The following ZFYVE28 variants were observed in gnomAD, a reference collection of about 807,000 sequenced individuals.
ZFYVE28 encodes the protein zinc finger FYVE-type containing 28, also known as lateral signaling target protein 2 homolog.
In ZFYVE28, 40 loss-of-function variants were observed where a neutral mutation model predicts 82.1. The ratio of observed to expected loss-of-function variants is 0.49; its 90% CI spans 0.38 to 0.63. ZFYVE28 has a LOEUF of 0.63. Among genes scored for constraint, ZFYVE28 ranks in the 30% least tolerant of loss-of-function variants. The pLI, the probability that ZFYVE28 is intolerant of heterozygous loss-of-function variation, is 0.00. For missense variants in ZFYVE28, 1,321 were observed against 1,242.1 expected (o/e 1.06, Z -0.96); for synonymous variants, 612 against 546.1 (o/e 1.12, Z -1.68).
At chr4:2,301,930 G>GCACGT (rs1715605213) in intron 8 of ZFYVE28, among the ~76,000 whole-genome samples, 1 of 152,210 alleles carries the variant, frequency 6.6e-6, no homozygotes, top group East Asian at 1.9e-4. Context: ...GTTCATCGTG[G>GCACGT]CACGTCTGTG....
chr4:2,294,002 TATTATTAAG>T (rs1714159046), intron 8 of ZFYVE28, among the ~76,000 whole-genome samples: 1 of 151,764 alleles, frequency 6.6e-6, no homozygotes, highest in South Asian at 2.1e-4. Flanking sequence ...GAACCAGAAC[TATTATTAAG>T]ATGCTAATTC....
intron 1 of ZFYVE28, among the ~76,000 whole-genome samples, chr4:2,360,389 T>A (rs865806013): frequency 7.0e-6 from 1 of 143,290 alleles, no homozygotes; most frequent in Non-Finnish European, 1.5e-5. Context: ...AGAGCTGTAA[T>A]CACACACACA....
In ZFYVE28 at chr4:2,418,196, G is replaced by A. The variant is rs1313383116; in HGVS notation, c.39+89C>T. 11 of 1,304,322 alleles carry A rather than the reference G, an allele frequency of 8.4e-6. No individual in the cohort carries two copies. The African/African-American group carries it at 1.7e-4, about 20-fold the overall frequency. The allele number at this position is 1,304,322 out of a possible 1,614,324, so 80.8% of individuals were successfully genotyped here. On this transcript the variant is annotated intron_variant, in intron 1 of 12. Transcript: ENST00000290974. The surrounding 1 kb of genome is among the most constrained non-coding windows in gnomAD (Gnocchi z 4.6). ...AAGAGGCCGGCCACGGACAGGGAAA[G>A]GGAGTCCGTCTTGTAGGGCGGACGG...
In ZFYVE28 at chr4:2,372,855, T is replaced by C. The variant is rs1727716562; in HGVS notation, c.40-18782A>G. ...TCCCCATGGCTGACTCACTGCAGCC[T>C]GGACCCAGTCCCTACCCAGGGGCCC... On this transcript the variant is annotated intron_variant, in intron 1 of 12. Transcript: ENST00000290974. The surrounding 1 kb of genome is among the most constrained non-coding windows in gnomAD (Gnocchi z 5.2). 6.6e-6 allele frequency among the ~76,000 whole-genome samples: 1 copy of C among 152,106 alleles called. No homozygotes were observed. The highest frequency in any genetic ancestry group is 1.5e-5 in the Non-Finnish European group (1 of 67,986).
At chr4:2,367,238 A>C (rs987214748) in intron 1 of ZFYVE28, among the ~76,000 whole-genome samples, 1 of 152,250 alleles carries the variant, frequency 6.6e-6, no homozygotes, top group Non-Finnish European at 1.5e-5. Flanking sequence ...TCTCATTTTG[A>C]ACTCCACAGG....
At chr4:2,385,662 CATGG>C (rs1164167057) in intron 1 of ZFYVE28, among the ~76,000 whole-genome samples, 1 of 152,228 alleles carries the variant, frequency 6.6e-6, no homozygotes, top group African/African-American at 2.4e-5. Flanking sequence ...TGACCTCCTA[CATGG>C]ATTCCCTCCA....
At chr4:2,296,828 G>A (rs1487890032) in intron 8 of ZFYVE28, among the ~76,000 whole-genome samples, 1 of 152,196 alleles carries the variant, frequency 6.6e-6, no homozygotes, top group Non-Finnish European at 1.5e-5. Flanking sequence ...TGGGTCCACT[G>A]GGGAGCCCCC....
intron 4 of ZFYVE28, among the ~76,000 whole-genome samples, chr4:2,337,828 G>A (rs1202746639): frequency 6.6e-6 from 1 of 152,086 alleles, no homozygotes; most frequent in Non-Finnish European, 1.5e-5. Flanking sequence ...TGGTGATGGT[G>A]CCACTGCATT....
intron 1 of ZFYVE28, among the ~76,000 whole-genome samples, chr4:2,398,012 C>T (rs1304645829): frequency 2.6e-4 from 1 of 3,880 alleles, no homozygotes; most frequent in African/African-American, 9.7e-4. Context: ...ATGGAGGGGG[C>T]GGGGTGGGGG....
intron 1 of ZFYVE28, among the ~76,000 whole-genome samples, chr4:2,404,882 G>C (rs28610915): frequency 0.13 from 13,578 of 102,084 alleles, 1,547 homozygotes; most frequent in African/African-American, 0.34. Context: ...TTTTTTGAGA[G>C]AGGGTCTTGC....
intron 1 of ZFYVE28, among the ~76,000 whole-genome samples, chr4:2,395,981 A>G (rs1439110854): frequency 2.6e-5 from 4 of 152,314 alleles, no homozygotes; most frequent in African/African-American, 9.6e-5. Context: ...TGGGGGTCCA[A>G]TTCAGCCCGG....
intron 1 of ZFYVE28, among the ~76,000 whole-genome samples, chr4:2,360,823 C>T (rs1179297384): frequency 6.6e-6 from 1 of 152,194 alleles, no homozygotes; most frequent in Non-Finnish European, 1.5e-5. Flanking sequence ...ACGGGGCTCA[C>T]CCTCAAGTGA....
intron 7 of ZFYVE28, among the ~76,000 whole-genome samples, chr4:2,310,299 A>G (rs1717296657): frequency 6.6e-6 from 1 of 152,172 alleles, no homozygotes; most frequent in African/African-American, 2.4e-5. Context: ...TCAGCCTTCC[A>G]AAGTCCTGGG....
intron 2 of ZFYVE28, among the ~76,000 whole-genome samples, chr4:2,350,360 A>C (rs1235064606): frequency 6.6e-6 from 1 of 151,960 alleles, no homozygotes; most frequent in Non-Finnish European, 1.5e-5. Context: ...GCTACTCGGG[A>C]GGCTGAGGCA....
At chr4:2,330,978 C>T (rs114319877) in intron 6 of ZFYVE28, 24,972 of 1,534,350 alleles carry the variant, frequency 0.016, 286 homozygotes, top group Non-Finnish European at 0.019. Flanking sequence ...GAAGAGGATC[C>T]GGCAACCATC....
chr4:2,335,675 G>A lies in ZFYVE28; in HGVS notation c.701+30C>T. ...AGCCCTGCCCGTCCCGCAGGTTTCTGCAGAGGTCCTGGGCACAGGAGGCAC... is the reference window on the plus strand; with the variant it reads ...AGCCCTGCCCGTCCCGCAGGTTTCTACAGAGGTCCTGGGCACAGGAGGCAC... On this transcript the variant is annotated intron_variant, in intron 6 of 12. Transcript: ENST00000290974. The surrounding 1 kb of genome is among the most constrained non-coding windows in gnomAD (Gnocchi z 5.8). 6.4e-7 allele frequency: 1 copy of A among 1,554,452 alleles called. No homozygotes were observed. Among genetic ancestry groups the A allele is most frequent in the Non-Finnish European group, 8.7e-7 (1 of 1,147,710 alleles).
chr4:2,334,416 C>T (rs1007657480), intron 6 of ZFYVE28, among the ~76,000 whole-genome samples: 6 of 152,114 alleles, frequency 3.9e-5, no homozygotes, highest in African/African-American at 1.2e-4. Context: ...CCCCTGCAGG[C>T]CCCGCCGCTG....
rs1241652299 is a variant in ZFYVE28, at chr4:2,269,907, A to G, written c.*818T>C. 1 of 152,126 alleles carries G rather than the reference A, an allele frequency of 6.6e-6. No homozygotes were observed. Among genetic ancestry groups the G allele is most frequent in the Non-Finnish European group, 1.5e-5 (1 of 68,036 alleles). The allele number at this position is 152,126 out of a possible 1,614,324, so 9.4% of individuals were successfully genotyped here. A position where few individuals can be genotyped will look rare whatever the true frequency, so the allele number is the denominator to read the frequency against. On this transcript the variant is annotated 3_prime_UTR_variant, in exon 13 of 13. Transcript: ENST00000290974. Reference sequence around the variant, plus strand: ...TCCCAGGCCACTCTGGGGTCTGAGGAATTGGGCCAGGGTTCCAGAGGGTGC... The same window carrying G: ...TCCCAGGCCACTCTGGGGTCTGAGGGATTGGGCCAGGGTTCCAGAGGGTGC...
At chr4:2,358,478 G>A (rs139461329) in intron 1 of ZFYVE28, among the ~76,000 whole-genome samples, 1 of 152,204 alleles carries the variant, frequency 6.6e-6, no homozygotes, top group Non-Finnish European at 1.5e-5. Flanking sequence ...CCTGCCTCCA[G>A]TTAGCGGGGA....
Sources: allele counts gnomAD v4.1 joint callset (sites outside exome capture counted in the v4.1 genomes callset), GRCh38; gene constraint gnomAD v4.1.1; non-coding constraint Gnocchi (gnomAD v3.1); transcripts MANE v1.5; gene names NCBI Gene and HGNC (gene_info 2026-07-23, HGNC 2026-07-21).